BCAS3: variants seen among roughly 807,000 people sequenced by gnomAD.
The protein encoded by BCAS3 is BCAS3 microtubule associated cell migration factor, also known as BCAS4/BCAS3 fusion.
A neutral mutation model predicts 116.1 loss-of-function variants in BCAS3; 53 were observed. The ratio of observed to expected loss-of-function variants is 0.46; its 90% CI spans 0.37 to 0.57. The LOEUF (loss-of-function observed/expected upper bound fraction) is 0.57. Ranked by LOEUF, BCAS3 falls within the 20% of genes least tolerant of loss-of-function variation. BCAS3 has a pLI of 0.00. For missense variants in BCAS3, 917 were observed against 1,165.4 expected (o/e 0.79, Z 3.10); for synonymous variants, 391 against 408.2 (o/e 0.96, Z 0.51).
rs1391582066 is a variant in BCAS3 at position 61,388,359 on chromosome 17, C to G, written c.2594-3618C>G. The G allele has an allele frequency of 6.8e-6, 3 of 443,380 alleles. No homozygotes were observed. Among genetic ancestry groups the G allele is most frequent in the African/African-American group, 4.0e-5 (2 of 50,060 alleles). 27.5% of individuals were successfully genotyped at this position (443,380 alleles called of 1,614,324 possible). ...TGTTCTTCATGTTGAACCTGTGACT[C>G]CTCTCCCCCTCCCCCACTCTGAACG... On this transcript the variant is annotated intron_variant, in intron 23 of 23. Transcript: ENST00000407086. This position sits in a 1 kb window ranked among gnomAD's most constrained non-coding sequence, Gnocchi z 6.5.
At chr17:61,060,226 A>G (rs568122964) in intron 19 of BCAS3, among the ~76,000 whole-genome samples, 2 of 151,582 alleles carry the variant, frequency 1.3e-5, no homozygotes, top group African/African-American at 2.4e-5. Flanking sequence ...TCCCAGGTTC[A>G]CGCCATTCTC....
intron 22 of BCAS3, among the ~76,000 whole-genome samples, chr17:61,170,302 G>T (rs528079901): frequency 8.9e-5 from 13 of 145,954 alleles, no homozygotes; most frequent in Middle Eastern, 3.9e-3. Context: ...TTGTTTTTTG[G>T]TTTTTTTTGA....
rs1160595717 is a variant in BCAS3, at chr17:61,347,314, T to C, written c.2426-21013T>C. Reference sequence around the variant, plus strand: ...CCAGGCTGGTCTCGATATGCTGACCTCAGGTGATCCACCCACCTCAGCCTC... The same window carrying C: ...CCAGGCTGGTCTCGATATGCTGACCCCAGGTGATCCACCCACCTCAGCCTC... On this transcript the variant is annotated intron_variant, in intron 22 of 23. Transcript: ENST00000407086. The surrounding 1 kb of genome is among the most constrained non-coding windows in gnomAD (Gnocchi z 4.3). Among the ~76,000 whole-genome samples, 1 of 152,120 alleles carries C rather than the reference T, an allele frequency of 6.6e-6. No homozygotes were observed. Among genetic ancestry groups the C allele is most frequent in the African/African-American group, 2.4e-5 (1 of 41,426 alleles).
Position 60,902,633 on chromosome 17 carries a change from A to G in BCAS3, c.752A>G (p.His251Arg). The change falls in exon 11 of 24, where the codon CAT becomes CGT. Residue 251 changes from histidine to arginine, a missense_variant. By Grantham distance (29) the His-to-Arg change is conservative. Around this residue, in one of 3 missense-constraint regions of BCAS3, gnomAD observed 807 missense variants for 1,026.0 expected, o/e 0.79. Coordinates refer to ENST00000407086, the MANE Select transcript of BCAS3 (RefSeq NM_017679.5). Reference protein sequence around the residue: ...AYAENKLIRCHQSRGGACGDN... With the variant: ...AYAENKLIRCRQSRGGACGDN... ...TCTTTTTCTCAGTTGATTCGATGTC[A>G]TCAGTCCCGTGGTGGAGCCTGTGGA... The G allele has an allele frequency of 6.2e-7, 1 of 1,611,194 alleles. No individual in the cohort carries two copies. Among genetic ancestry groups the G allele is most frequent in the Non-Finnish European group, 8.5e-7 (1 of 1,177,362 alleles).
intron 15 of BCAS3, among the ~76,000 whole-genome samples, chr17:61,006,017 A>G (rs1277884092): frequency 6.6e-6 from 1 of 151,862 alleles, no homozygotes; most frequent in Admixed American, 6.6e-5. Context: ...CTCATTGTTC[A>G]ATTCCCACCT....
Position 60,833,160 on chromosome 17 carries a change from C to T in BCAS3, c.476+25084C>T, listed in dbSNP as rs1367309307. Among the ~76,000 whole-genome samples the T allele has an allele frequency of 2.0e-5, 3 of 152,244 alleles. No individual in the cohort carries two copies. The East Asian group carries it at 5.8e-4, about 29-fold the overall frequency. On this transcript the variant is annotated intron_variant, in intron 7 of 23. Transcript: ENST00000407086. ...GGGATTACAGGTGCGAGCCACTGTACCTGGCCCATTTTATATATTCTAAAA... is the reference window on the plus strand; with the variant it reads ...GGGATTACAGGTGCGAGCCACTGTATCTGGCCCATTTTATATATTCTAAAA...
rs2081461983 is a variant in BCAS3 at position 61,211,618 on chromosome 17, T to C, written c.2425+127054T>C. ...CAGATTTGCATTGGTCTAGTAGGAA[T>C]TATGCATCATTAGACTGAACTTCTT... On this transcript the variant is annotated intron_variant, in intron 22 of 23. Transcript: ENST00000407086. The surrounding 1 kb of genome is among the most constrained non-coding windows in gnomAD (Gnocchi z 4.4). Among the ~76,000 whole-genome samples, 3 of 151,858 alleles carry C rather than the reference T, an allele frequency of 2.0e-5. No homozygotes were observed. The highest frequency in any genetic ancestry group is 2.0e-4 in the Admixed American group (3 of 15,254).
chr17:61,026,919 C>T lies in BCAS3; in HGVS notation c.1638-7747C>T, dbSNP rs1245372698. 1.3e-6 allele frequency: 2 copies of T among 1,598,376 alleles called. No individual in the cohort carries two copies. The highest frequency in any genetic ancestry group is 2.2e-5 in the East Asian group (1 of 44,504). ...TCCATAAAAGCCCCATGGTGAGTTCCAGTTCAGTCCCGCATGCCTCATTCA... is the reference window on the plus strand; with the variant it reads ...TCCATAAAAGCCCCATGGTGAGTTCTAGTTCAGTCCCGCATGCCTCATTCA... On this transcript the variant is annotated intron_variant, in intron 16 of 23. Transcript: ENST00000407086. The surrounding 1 kb of genome is among the most constrained non-coding windows in gnomAD (Gnocchi z 5.0).
intron 22 of BCAS3, among the ~76,000 whole-genome samples, chr17:61,306,137 C>T (rs531442915): frequency 6.6e-6 from 1 of 152,102 alleles, no homozygotes; most frequent in South Asian, 2.1e-4. Context: ...ATGATAAAGC[C>T]GCAAATTCTA....
intron 18 of BCAS3, among the ~76,000 whole-genome samples, chr17:61,038,276 ATT>A (rs1157013916): frequency 0.047 from 6,450 of 136,526 alleles, 371 homozygotes; most frequent in African/African-American, 0.17. Flanking sequence ...AGTTTCTAGA[ATT>A]TTTTTTTTTT....
chr17:60,735,814 G>A (rs2040897367), intron 5 of BCAS3, among the ~76,000 whole-genome samples: 1 of 151,466 alleles, frequency 6.6e-6, no homozygotes, highest in Non-Finnish European at 1.5e-5. Context: ...TAGTTTCTGA[G>A]GAGTTTTTTT....
In BCAS3 at chr17:61,239,822, T is replaced by G. The variant is rs1398695072; in HGVS notation, c.2426-128505T>G. On this transcript the variant is annotated intron_variant, in intron 22 of 23. Coordinates refer to ENST00000407086, the MANE Select transcript of BCAS3 (RefSeq NM_017679.5). This position sits in a 1 kb window ranked among gnomAD's most constrained non-coding sequence, Gnocchi z 4.2. ...AAAGACCAAAGGAGAAATTGTGAGT[T>G]AATGTTTACTTTTTTATTACTATTT... 6.6e-6 allele frequency among the ~76,000 whole-genome samples: 1 copy of G among 152,224 alleles called. No homozygotes were observed. The highest frequency in any genetic ancestry group is 2.4e-5 in the African/African-American group (1 of 41,450).
intron 22 of BCAS3, among the ~76,000 whole-genome samples, chr17:61,350,974 A>C (rs1481464355): frequency 1.3e-5 from 2 of 152,110 alleles, no homozygotes; most frequent in Non-Finnish European, 2.9e-5. Context: ...ATTTGCCACA[A>C]CTTGGAGTTA....
chr17:61,121,794 G>A (rs1381956810), intron 22 of BCAS3, among the ~76,000 whole-genome samples: 2 of 152,186 alleles, frequency 1.3e-5, no homozygotes, highest in African/African-American at 4.8e-5. Flanking sequence ...GCAGTGGCAT[G>A]ATCTCAGCTC....
At chr17:60,706,686 G>A (rs983564356) in intron 4 of BCAS3, among the ~76,000 whole-genome samples, 1 of 151,946 alleles carries the variant, frequency 6.6e-6, no homozygotes, top group East Asian at 1.9e-4. Context: ...TTAGCCAGGC[G>A]TGGTGGAGAC....
chr17:61,260,298 T>C lies in BCAS3; in HGVS notation c.2426-108029T>C, dbSNP rs145812143. Among the ~76,000 whole-genome samples, 192 of 152,292 alleles carry C rather than the reference T, an allele frequency of 1.3e-3. 1 individual carries two copies. The highest frequency in any genetic ancestry group is 4.5e-3 in the African/African-American group (185 of 41,564). Reference sequence around the variant, plus strand: ...TGAAAACAGTGGAGTTCCACAGTTTTATGAGAAAACCCAGAGAAACCCATA... The same window carrying C: ...TGAAAACAGTGGAGTTCCACAGTTTCATGAGAAAACCCAGAGAAACCCATA... On this transcript the variant is annotated intron_variant, in intron 22 of 23. Coordinates refer to ENST00000407086, the MANE Select transcript of BCAS3 (RefSeq NM_017679.5).
Position 60,760,575 on chromosome 17 carries a change from C to A in BCAS3, c.403+13296C>A, listed in dbSNP as rs551754065. On this transcript the variant is annotated intron_variant, in intron 6 of 23. Coordinates refer to ENST00000407086, the MANE Select transcript of BCAS3 (RefSeq NM_017679.5). ...GGCCTGTAGCTTTCTGCTGAGAAAT[C>A]CGCTGTTGGCTTGATGGGAGCTCCT... 3.2e-4 allele frequency among the ~76,000 whole-genome samples: 48 copies of A among 151,748 alleles called. 1 individual carries two copies. The highest frequency in any genetic ancestry group is 1.6e-3 in the Admixed American group (25 of 15,252).
intron 22 of BCAS3, among the ~76,000 whole-genome samples, chr17:61,340,393 G>C (rs1055861596): frequency 6.6e-6 from 1 of 152,044 alleles, no homozygotes; most frequent in Admixed American, 6.5e-5. Flanking sequence ...CCATTTTCTC[G>C]ATGAAGCCGT....
intron 6 of BCAS3, among the ~76,000 whole-genome samples, chr17:60,754,288 C>G (rs1013630965): frequency 6.6e-6 from 1 of 152,156 alleles, no homozygotes; most frequent in Non-Finnish European, 1.5e-5. Context: ...TCATTGCAGT[C>G]TTGACCTCCT....
Sources: gnomAD v4.1 joint callset for allele counts (sites outside exome capture counted in the v4.1 genomes callset) on GRCh38, gnomAD v4.1.1 for gene constraint, gnomAD v4.1.1 regional missense constraint, Gnocchi (gnomAD v3.1) non-coding constraint, MANE v1.5 for transcripts, NCBI Gene and HGNC (gene_info 2026-07-23, HGNC 2026-07-21) for gene names.